PKNOX2: variants seen among roughly 807,000 people sequenced by gnomAD.
PKNOX2 encodes homeobox protein PKNOX2.
A neutral mutation model predicts 53.1 loss-of-function variants in PKNOX2; 14 were observed. The observed-to-expected ratio is 0.26, with a 90% CI of 0.17 to 0.41. The LOEUF (loss-of-function observed/expected upper bound fraction) is 0.41. Ranked by LOEUF, PKNOX2 falls within the 10% of genes least tolerant of loss-of-function variation. The pLI is 1.00. For synonymous variants in PKNOX2, 257 were observed against 242.8 expected, an observed-to-expected ratio of 1.06 and a Z score of -0.54; for missense variants, 496 against 602.8, an observed-to-expected ratio of 0.82 and a Z score of 1.85.
chr11:125,208,834 C>A (rs556369745), intron 1 of PKNOX2, among the ~76,000 whole-genome samples: 1 of 151,946 alleles, frequency 6.6e-6, no homozygotes, highest in Non-Finnish European at 1.5e-5. Flanking sequence ...CGAGAGGGGA[C>A]GTGTGCTGCA....
At chr11:125,224,283 A>C (rs1941488958) in intron 1 of PKNOX2, among the ~76,000 whole-genome samples, 1 of 152,244 alleles carries the variant, frequency 6.6e-6, no homozygotes, top group Admixed American at 6.5e-5. Context: ...GGCAGGTGCC[A>C]GGTGGAGACT....
chr11:125,411,562 C>T, intron 9 of PKNOX2, 184 bp from the exon 10 acceptor site: 1 of 736,276 alleles, frequency 1.4e-6, no homozygotes. Context: ...TCCCATCACC[C>T]AAGCCTCACC....
chr11:125,428,839 C>T (rs879462377), intron 10 of PKNOX2, among the ~76,000 whole-genome samples, 173 bp from the exon 11 acceptor site: 19 of 152,198 alleles, frequency 1.2e-4, no homozygotes, highest in Non-Finnish European at 2.2e-4. Flanking sequence ...CAACCTTCCT[C>T]CAAGCCCTAG....
intron 6 of PKNOX2, among the ~76,000 whole-genome samples, chr11:125,392,667 T>C (rs1457473865): frequency 6.6e-6 from 1 of 152,232 alleles, no homozygotes; most frequent in African/African-American, 2.4e-5. Context: ...CTGTATTTTC[T>C]GATTTTATAA....
intron 7 of PKNOX2, among the ~76,000 whole-genome samples, chr11:125,406,577 A>G (rs2135515674): frequency 6.6e-6 from 1 of 152,316 alleles, no homozygotes; most frequent in East Asian, 1.9e-4. Flanking sequence ...TGTGCCAGGC[A>G]CTGTGCTTGC....
At chr11:125,320,433 C>T (rs979608797) in intron 2 of PKNOX2, among the ~76,000 whole-genome samples, 2 of 152,068 alleles carry the variant, frequency 1.3e-5, no homozygotes, top group Non-Finnish European at 2.9e-5. Flanking sequence ...GATGAATGGG[C>T]TGGGCTTGGA....
At chr11:125,292,856 C>T (rs902287370) in intron 2 of PKNOX2, among the ~76,000 whole-genome samples, 1 of 152,122 alleles carries the variant, frequency 6.6e-6, no homozygotes, top group East Asian at 1.9e-4. Flanking sequence ...ATATTCATCC[C>T]CTCTTGATGT....
chr11:125,221,463 G>A (rs755823399), intron 1 of PKNOX2, among the ~76,000 whole-genome samples: 8 of 152,188 alleles, frequency 5.3e-5, no homozygotes, highest in South Asian at 4.1e-4. Context: ...CTCCAGGCCC[G>A]TCTGCAGAGT....
At chr11:125,316,230 A>G (rs1367549234) in intron 2 of PKNOX2, among the ~76,000 whole-genome samples, 1 of 152,090 alleles carries the variant, frequency 6.6e-6, no homozygotes, top group African/African-American at 2.4e-5. Flanking sequence ...CTGCCCCAAT[A>G]TGGACTTATC....
At chr11:125,292,043 A>C (rs973832742) in intron 2 of PKNOX2, among the ~76,000 whole-genome samples, 2 of 152,186 alleles carry the variant, frequency 1.3e-5, no homozygotes, top group Non-Finnish European at 2.9e-5. Context: ...TTGTACATTT[A>C]ATGGTTAAAA....
chr11:125,282,519 G>A (rs1396903993), intron 2 of PKNOX2, among the ~76,000 whole-genome samples: 1 of 152,184 alleles, frequency 6.6e-6, no homozygotes, highest in Non-Finnish European at 1.5e-5. Context: ...GATTCAATAG[G>A]TCTGAAACAG....
intron 5 of PKNOX2, among the ~76,000 whole-genome samples, chr11:125,374,680 C>G (rs1325237820): frequency 6.6e-6 from 1 of 152,156 alleles, no homozygotes; most frequent in African/African-American, 2.4e-5. Flanking sequence ...CCTCCCTGAC[C>G]TAGGTAGAGC....
At chr11:125,266,602 G>A (rs1565483638) in intron 2 of PKNOX2, 1 of 152,214 alleles carries the variant, frequency 6.6e-6, no homozygotes, top group Non-Finnish European at 1.5e-5. Context: ...TTTGCAAAGA[G>A]CTCCTCCCAG....
chr11:125,168,330 A>G (rs1955041496), intron 1 of PKNOX2, among the ~76,000 whole-genome samples: 1 of 152,256 alleles, frequency 6.6e-6, no homozygotes, highest in African/African-American at 2.4e-5. Flanking sequence ...CTTTGACCGC[A>G]TGTCATAACC....
intron 5 of PKNOX2, among the ~76,000 whole-genome samples, chr11:125,383,460 A>C (rs1196699364): frequency 6.6e-6 from 1 of 151,308 alleles, no homozygotes; most frequent in Admixed American, 6.6e-5. Flanking sequence ...AAAAAAAAAA[A>C]AAAAAAATTA....
intron 1 of PKNOX2, among the ~76,000 whole-genome samples, chr11:125,220,475 A>T (rs894416645): frequency 1.3e-5 from 2 of 152,148 alleles, no homozygotes; most frequent in African/African-American, 2.4e-5. Flanking sequence ...TGGGTGTGGG[A>T]TTGAGGGAGA....
chr11:125,178,498 G>A (rs772352415), intron 1 of PKNOX2, among the ~76,000 whole-genome samples: 2 of 140,854 alleles, frequency 1.4e-5, no homozygotes, highest in African/African-American at 5.7e-5. Context: ...GCAGCAGAGC[G>A]AAACTCTGTC....
rs1448253499 is a variant in PKNOX2 at position 125,283,066 on chromosome 11, C to T, written c.-130+47951C>T. On this transcript the variant is annotated intron_variant, in intron 2 of 12. Transcript: ENST00000298282. ...ACTCGGGAGGCTGAGGCAGGAGAAT[C>T]GCTTGAGCTTGAGAGGCTGAGGTTG... Among the ~76,000 whole-genome samples the T allele has an allele frequency of 3.3e-5, 5 of 152,230 alleles. No homozygotes were observed. The East Asian group carries it at 5.8e-4, about 18-fold the overall frequency.
intron 2 of PKNOX2, among the ~76,000 whole-genome samples, chr11:125,255,993 A>G (rs753559452): frequency 6.6e-6 from 1 of 151,996 alleles, no homozygotes; most frequent in East Asian, 1.9e-4. Flanking sequence ...AATCAGGAGT[A>G]AAAGAAATAC....
Sources: gnomAD v4.1 joint callset for allele counts (sites outside exome capture counted in the v4.1 genomes callset) on GRCh38, gnomAD v4.1.1 for gene constraint, MANE v1.5 for transcripts, NCBI Gene and HGNC (gene_info 2026-07-23, HGNC 2026-07-21) for gene names.